The following MAML2 variants were observed in gnomAD, a reference collection of about 807,000 sequenced individuals.
The protein encoded by MAML2 is mastermind-like protein 2.
MAML2 carries 22 observed loss-of-function variants against 96.1 expected under a neutral mutation model. The observed-to-expected ratio is 0.23, with a 90% confidence interval of 0.16 to 0.33. MAML2 has a LOEUF of 0.33. Ranked by LOEUF, MAML2 falls within the 10% of genes least tolerant of loss-of-function variation. The probability of loss-of-function intolerance (pLI) is 1.00; values close to 1 mark genes in which losing one functional copy is unlikely to be tolerated. For missense variants in MAML2, 1,367 were observed against 1,392.4 expected (o/e 0.98, Z 0.29); for synonymous variants, 561 against 521.3 (o/e 1.08, Z -1.04).
At chr11:96,195,276 T>C (rs1338104340) in intron 1 of MAML2, among the ~76,000 whole-genome samples, 1 of 152,228 alleles carries the variant, frequency 6.6e-6, no homozygotes, top group African/African-American at 2.4e-5. Flanking sequence ...AGTGCTCTCC[T>C]AGATTTTACC....
chr11:96,197,819 T>A (rs1208027340), intron 1 of MAML2, among the ~76,000 whole-genome samples: 2 of 152,194 alleles, frequency 1.3e-5, no homozygotes, highest in African/African-American at 4.8e-5. Context: ...TCTGAGGGGA[T>A]AGAAGTGAAG....
chr11:96,307,779 A>T (rs535262000), intron 1 of MAML2, among the ~76,000 whole-genome samples: 9 of 152,170 alleles, frequency 5.9e-5, no homozygotes, highest in Non-Finnish European at 1.2e-4. Flanking sequence ...GTCTCTTCTC[A>T]TAAAAAGTGT....
At chr11:96,214,523 T>G (rs1862020134) in intron 1 of MAML2, among the ~76,000 whole-genome samples, 1 of 152,236 alleles carries the variant, frequency 6.6e-6, no homozygotes, top group South Asian at 2.1e-4. Flanking sequence ...GGTGATCATG[T>G]ACAACAAAAT....
chr11:95,985,146 G>T (rs1857805696), intron 4 of MAML2, among the ~76,000 whole-genome samples: 1 of 152,190 alleles, frequency 6.6e-6, no homozygotes, highest in Non-Finnish European at 1.5e-5. Context: ...TGGGCTCAAT[G>T]GTGGATACAA....
chr11:96,095,270 A>G (rs10732450), intron 1 of MAML2, among the ~76,000 whole-genome samples: 116,075 of 152,052 alleles, frequency 0.76, 45,121 homozygotes, highest in Middle Eastern at 0.87. Flanking sequence ...GGGAATGGCC[A>G]GGATGCAGTA....
At chr11:95,991,792 A>G (rs2135709933) in intron 2 of MAML2, 69 bp from the exon 3 acceptor site, 1 of 1,162,708 alleles carries the variant, frequency 8.6e-7, no homozygotes, top group Non-Finnish European at 1.3e-6. Flanking sequence ...CACAAAGATC[A>G]TACACTCAGA....
At chr11:95,985,086 G>A (rs1857804910) in intron 4 of MAML2, among the ~76,000 whole-genome samples, 1 of 152,188 alleles carries the variant, frequency 6.6e-6, no homozygotes, top group Non-Finnish European at 1.5e-5. Context: ...TGCTTTTCAA[G>A]TATTCCTTGG....
intron 2 of MAML2, among the ~76,000 whole-genome samples, chr11:96,041,361 C>A (rs756367899): frequency 6.6e-6 from 1 of 150,564 alleles, no homozygotes; most frequent in Non-Finnish European, 1.5e-5. Flanking sequence ...TTTAGCCGGG[C>A]ATAGTGGTGG....
chr11:96,129,386 C>A (rs1320522127), intron 1 of MAML2, among the ~76,000 whole-genome samples: 1 of 152,182 alleles, frequency 6.6e-6, no homozygotes, highest in African/African-American at 2.4e-5. Flanking sequence ...GCCTAAGAAT[C>A]CGGATTTCTA....
At chr11:96,260,576 C>G (rs1862735215) in intron 1 of MAML2, among the ~76,000 whole-genome samples, 1 of 152,176 alleles carries the variant, frequency 6.6e-6, no homozygotes, top group Non-Finnish European at 1.5e-5. Flanking sequence ...ACTCCTCCCT[C>G]CAGTCTGCCA....
At chr11:96,031,649 C>T (rs7482121) in intron 2 of MAML2, among the ~76,000 whole-genome samples, 33,999 of 152,034 alleles carry the variant, frequency 0.22, 4,721 homozygotes, top group Non-Finnish European at 0.32. Flanking sequence ...GGGGTACAGA[C>T]AAAATGTTTC....
chr11:96,304,681 CAAGTAAT>C lies in MAML2; in HGVS notation c.513+36695_513+36701del, dbSNP rs138348915. On this transcript the variant is annotated intron_variant, in intron 1 of 4. Coordinates refer to ENST00000524717, the MANE Select transcript of MAML2 (RefSeq NM_032427.4). The stretch of plus-strand genomic sequence containing the variant: ...TCCTCGGTAACTTTTTGTACATCTG[CAAGTAAT>C]GAATGTATTCATATAAACTCTTCTT... Among the ~76,000 whole-genome samples the C allele has an allele frequency of 8.4e-3, 1,281 of 152,218 alleles. 8 individuals carry two copies. The highest frequency in any genetic ancestry group is 0.013 in the Non-Finnish European group (900 of 67,998).
intron 1 of MAML2, among the ~76,000 whole-genome samples, chr11:96,166,215 A>ACACACACCC (rs1372110272): frequency 1.9e-4 from 27 of 145,380 alleles, no homozygotes; most frequent in Admixed American, 4.1e-4. Context: ...ACACACACAC[A>ACACACACCC]CCCCACATTA....
intron 1 of MAML2, among the ~76,000 whole-genome samples, chr11:96,158,469 G>A (rs576068645): frequency 1.3e-5 from 2 of 152,334 alleles, no homozygotes; most frequent in East Asian, 1.9e-4. Context: ...AGCTGCAAGG[G>A]AGAGTCTGGA....
At chr11:96,303,163 T>C (rs1273962915) in intron 1 of MAML2, among the ~76,000 whole-genome samples, 1 of 152,222 alleles carries the variant, frequency 6.6e-6, no homozygotes, top group Non-Finnish European at 1.5e-5. Context: ...TTTAATATTC[T>C]GCTGCCAATG....
chr11:96,241,634 A>T (rs1862438978), intron 1 of MAML2, among the ~76,000 whole-genome samples: 1 of 152,192 alleles, frequency 6.6e-6, no homozygotes, highest in African/African-American at 2.4e-5. Context: ...TGTCAACATA[A>T]CAGGTATTGC....
At chr11:96,176,273 C>A (rs1416834445) in intron 1 of MAML2, among the ~76,000 whole-genome samples, 1 of 152,172 alleles carries the variant, frequency 6.6e-6, no homozygotes, top group African/African-American at 2.4e-5. Flanking sequence ...TTGTTACAAT[C>A]CATCTTTATG....
intron 2 of MAML2, among the ~76,000 whole-genome samples, chr11:96,024,868 C>A (rs1451572041): frequency 6.6e-6 from 1 of 152,226 alleles, no homozygotes; most frequent in African/African-American, 2.4e-5. Flanking sequence ...TGCCACCTTG[C>A]CTGTGTCAAA....
At chr11:96,158,924 G>T (rs1861053713) in intron 1 of MAML2, among the ~76,000 whole-genome samples, 1 of 152,128 alleles carries the variant, frequency 6.6e-6, no homozygotes, top group Non-Finnish European at 1.5e-5. Context: ...AATCCCAAAA[G>T]GTGTGCCTTT....
Sources: allele counts gnomAD v4.1 joint callset (sites outside exome capture counted in the v4.1 genomes callset), GRCh38; gene constraint gnomAD v4.1.1; transcripts MANE v1.5; gene names NCBI Gene and HGNC (gene_info 2026-07-23, HGNC 2026-07-21).